The following WDPCP variants were observed in gnomAD, a reference collection of about 807,000 sequenced individuals.
WDPCP encodes the protein WD repeat containing planar cell polarity effector.
A neutral mutation model predicts 93.1 loss-of-function variants in WDPCP; 71 were observed. The ratio of observed to expected loss-of-function variants is 0.76; its 90% CI spans 0.63 to 0.93. WDPCP has a LOEUF of 0.93. WDPCP is among the 40% of genes least tolerant of loss of function. The pLI is 0.00. For missense variants in WDPCP, 844 were observed against 887.4 expected (o/e 0.95, Z 0.62); for synonymous variants, 315 against 315.0 (o/e 1.00, Z 0.00).
chr2:63,459,805 T>C (rs1698882847), intron 6 of WDPCP, among the ~76,000 whole-genome samples: 1 of 151,268 alleles, frequency 6.6e-6, no homozygotes, highest in Non-Finnish European at 1.5e-5. Context: ...TAGTCCCAGC[T>C]ACTCAGGAGG....
the WDPCP span, among the ~76,000 whole-genome samples, chr2:63,835,482 T>C: frequency 2.6e-5 from 4 of 151,698 alleles, no homozygotes; most frequent in Admixed American, 6.6e-5. Context: ...GGCCTGACCA[T>C]TTGCACTCCT....
intron 13 of WDPCP, among the ~76,000 whole-genome samples, chr2:63,298,336 T>C (rs1463482973): frequency 6.6e-6 from 1 of 152,026 alleles, no homozygotes; most frequent in Non-Finnish European, 1.5e-5. Context: ...CTTGATTGGA[T>C]TGACGTATGC....
chr2:63,755,836 G>A (rs558876154), intron 2 of WDPCP, among the ~76,000 whole-genome samples: 20 of 152,248 alleles, frequency 1.3e-4, no homozygotes, highest in African/African-American at 4.6e-4. Context: ...CTACACACTC[G>A]CTGCCTGGAA....
At chr2:63,136,470 T>C (rs185427324) in intron 17 of WDPCP, among the ~76,000 whole-genome samples, 1 of 152,138 alleles carries the variant, frequency 6.6e-6, no homozygotes, top group South Asian at 2.1e-4. Context: ...TTATCTATTA[T>C]ATACAGACAC....
intron 12 of WDPCP, among the ~76,000 whole-genome samples, chr2:63,316,653 A>AAAAT (rs989448309): frequency 1.8e-4 from 27 of 151,948 alleles, no homozygotes; most frequent in Admixed American, 2.6e-4. Context: ...TCTCTGCCTC[A>AAAAT]AAATAAATAA....
intron 13 of WDPCP, among the ~76,000 whole-genome samples, chr2:63,275,145 G>T (rs1056558922): frequency 2.0e-5 from 3 of 152,152 alleles, no homozygotes; most frequent in African/African-American, 7.2e-5. Flanking sequence ...GGGATGCAAG[G>T]ATGCTTCGAC....
At chr2:63,516,815 C>T (rs1198396972) in intron 1 of WDPCP, among the ~76,000 whole-genome samples, 1 of 151,954 alleles carries the variant, frequency 6.6e-6, no homozygotes, top group Non-Finnish European at 1.5e-5. Flanking sequence ...ATGAGTAATG[C>T]ATCTTAAATG....
intron 13 of WDPCP, among the ~76,000 whole-genome samples, chr2:63,298,987 G>A (rs757625591): frequency 6.6e-6 from 1 of 152,184 alleles, no homozygotes; most frequent in Non-Finnish European, 1.5e-5. Context: ...GCACTTCCTT[G>A]AGGAGGAGAA....
chr2:63,193,212 G>A (rs974717528), intron 14 of WDPCP, among the ~76,000 whole-genome samples: 7 of 152,216 alleles, frequency 4.6e-5, no homozygotes, highest in African/African-American at 9.6e-5. Context: ...AACAATTTAC[G>A]GAACCCCCAA....
chr2:63,658,670 A>T (rs1302203679), intron 2 of WDPCP, among the ~76,000 whole-genome samples: 1 of 152,248 alleles, frequency 6.6e-6, no homozygotes, highest in African/African-American at 2.4e-5. Flanking sequence ...CCTGGCCTTT[A>T]ATGCTCAAAT....
intron 6 of WDPCP, among the ~76,000 whole-genome samples, chr2:63,448,580 T>C (rs1698020234): frequency 6.6e-6 from 1 of 152,184 alleles, no homozygotes; most frequent in Non-Finnish European, 1.5e-5. Flanking sequence ...GTTACCATTA[T>C]GTTTTGTTTA....
intron 1 of WDPCP, among the ~76,000 whole-genome samples, chr2:63,585,237 T>C (rs1488444901): frequency 6.6e-6 from 1 of 152,220 alleles, no homozygotes; most frequent in African/African-American, 2.4e-5. Context: ...ACGTTTAAGA[T>C]TCACTAAAGT....
chr2:63,678,242 C>T (rs988342422), intron 2 of WDPCP, among the ~76,000 whole-genome samples: 5 of 152,292 alleles, frequency 3.3e-5, no homozygotes, highest in Admixed American at 1.3e-4. Flanking sequence ...ATCCAGGCAT[C>T]ACAGTCTCAT....
chr2:63,724,809 C>T (rs1210719580), intron 2 of WDPCP, among the ~76,000 whole-genome samples: 1 of 152,172 alleles, frequency 6.6e-6, no homozygotes, highest in African/African-American at 2.4e-5. Context: ...AGGTTTGTCA[C>T]TGAACTGTTA....
chr2:63,494,362 T>A (rs74814162), intron 1 of WDPCP, among the ~76,000 whole-genome samples: 2,497 of 152,284 alleles, frequency 0.016, 82 homozygotes, highest in African/African-American at 0.057. Flanking sequence ...ATGATGGTGA[T>A]AACAACAGAT....
chr2:63,394,416 A>C lies in WDPCP; in HGVS notation c.1435+9632T>G, dbSNP rs563782311. Among the ~76,000 whole-genome samples, 92 of 152,150 alleles carry C rather than the reference A, an allele frequency of 6.0e-4. No individual in the cohort carries two copies. In the South Asian group the frequency reaches 0.011, roughly 17 times the overall value. On this transcript the variant is annotated intron_variant, in intron 10 of 17. Coordinates refer to ENST00000272321, the MANE Select transcript of WDPCP (RefSeq NM_015910.7). ...ATGCTGGTGAGGGTGCAGAGAAAAG[A>C]GGATGCTTATACACTGCTAGTGGGA...
chr2:63,472,182 TA>T (rs1699730289), intron 6 of WDPCP, among the ~76,000 whole-genome samples: 1 of 151,966 alleles, frequency 6.6e-6, no homozygotes, highest in Non-Finnish European at 1.5e-5. Flanking sequence ...TCTTTTTTTT[TA>T]AACTCTAGAA....
At chr2:63,251,566 A>G (rs1207206549) in intron 14 of WDPCP, among the ~76,000 whole-genome samples, 1 of 137,698 alleles carries the variant, frequency 7.3e-6, no homozygotes, top group East Asian at 2.1e-4. Context: ...ATCTCGGCTC[A>G]CTGCAATCTC....
At chr2:63,524,284 A>T (rs1703157186) in intron 1 of WDPCP, among the ~76,000 whole-genome samples, 1 of 113,736 alleles carries the variant, frequency 8.8e-6, no homozygotes, top group African/African-American at 3.8e-5. Context: ...TGGAACCAAA[A>T]AAGAATAGCC....
Sources: allele counts gnomAD v4.1 joint callset (sites outside exome capture counted in the v4.1 genomes callset), GRCh38; gene constraint gnomAD v4.1.1; transcripts MANE v1.5; gene names NCBI Gene and HGNC (gene_info 2026-07-23, HGNC 2026-07-21).